The following SLC26A7 variants were observed in gnomAD, a reference collection of about 807,000 sequenced individuals.
SLC26A7 encodes anion exchange transporter.
A neutral mutation model predicts 82.5 loss-of-function variants in SLC26A7; 59 were observed. The observed-to-expected ratio is 0.72, with a 90% confidence interval of 0.58 to 0.89. The LOEUF (loss-of-function observed/expected upper bound fraction) is 0.89. SLC26A7 is among the 40% of genes least tolerant of loss of function. SLC26A7 has a pLI of 0.00. For missense variants in SLC26A7, 820 were observed against 793.0 expected, an observed-to-expected ratio of 1.03 and a Z score of -0.41; for synonymous variants, 271 against 274.3, an observed-to-expected ratio of 0.99 and a Z score of 0.12.
intron 15 of SLC26A7, among the ~76,000 whole-genome samples, chr8:91,380,917 A>C (rs956918779): frequency 3.3e-5 from 5 of 152,178 alleles, no homozygotes; most frequent in Non-Finnish European, 2.9e-5. Context: ...GGTATGTATA[A>C]ATTGTGACAT....
chr8:91,384,928 A>G (rs1256438530), intron 15 of SLC26A7, among the ~76,000 whole-genome samples: 1 of 152,228 alleles, frequency 6.6e-6, no homozygotes, highest in Non-Finnish European at 1.5e-5. Context: ...TAGTTAATTG[A>G]TATCAACAGA....
At chr8:91,229,250 A>G (rs1810281344) in intron 2 of SLC26A7, among the ~76,000 whole-genome samples, 2 of 152,138 alleles carry the variant, frequency 1.3e-5, no homozygotes, top group African/African-American at 4.8e-5. Flanking sequence ...GCCAACCCCA[A>G]CATGCACAAA....
intron 2 of SLC26A7, among the ~76,000 whole-genome samples, chr8:91,241,966 C>T (rs1586314974): frequency 6.6e-6 from 1 of 152,090 alleles, no homozygotes. Flanking sequence ...TTGAAATTTT[C>T]CCCTACATGT....
intron 4 of SLC26A7, among the ~76,000 whole-genome samples, chr8:91,297,965 G>A (rs1812059875): frequency 6.6e-6 from 1 of 152,118 alleles, no homozygotes; most frequent in Admixed American, 6.5e-5. Flanking sequence ...AAACAATCAT[G>A]TCTGATCTGA....
At chr8:91,242,314 A>T (rs1810485882) in intron 2 of SLC26A7, among the ~76,000 whole-genome samples, 1 of 152,170 alleles carries the variant, frequency 6.6e-6, no homozygotes, top group Non-Finnish European at 1.5e-5. Context: ...ATTCCATTTG[A>T]TTGTTCTCAA....
chr8:91,221,829 G>T (rs1317264628), intron 2 of SLC26A7, among the ~76,000 whole-genome samples: 1 of 152,074 alleles, frequency 6.6e-6, no homozygotes. Flanking sequence ...TGTTCTTTTT[G>T]CTTAGGATTG....
chr8:91,299,628 T>C (rs1452333122), intron 4 of SLC26A7, among the ~76,000 whole-genome samples: 1 of 152,192 alleles, frequency 6.6e-6, no homozygotes, highest in African/African-American at 2.4e-5. Context: ...GGACTTTCTT[T>C]GCTATTCTAC....
At chr8:91,277,625 C>T (rs1180344911) in intron 2 of SLC26A7, among the ~76,000 whole-genome samples, 1 of 152,032 alleles carries the variant, frequency 6.6e-6, no homozygotes, top group African/African-American at 2.4e-5. Context: ...GGCCCTATAA[C>T]CAGAACATTA....
intron 2 of SLC26A7, among the ~76,000 whole-genome samples, chr8:91,274,713 G>T (rs1398342293): frequency 6.6e-6 from 1 of 152,174 alleles, no homozygotes; most frequent in Non-Finnish European, 1.5e-5. Context: ...GTTGTTAATT[G>T]ATATATCTCC....
intron 2 of SLC26A7, among the ~76,000 whole-genome samples, chr8:91,241,871 T>G (rs1810478472): frequency 6.6e-6 from 1 of 152,188 alleles, no homozygotes; most frequent in African/African-American, 2.4e-5. Flanking sequence ...TAATTAGGAA[T>G]GATCTTTTGG....
At chr8:91,374,012 T>C (rs1048797530) in intron 15 of SLC26A7, among the ~76,000 whole-genome samples, 1 of 152,060 alleles carries the variant, frequency 6.6e-6, no homozygotes, top group Admixed American at 6.6e-5. Flanking sequence ...TTTGTGTGCA[T>C]GGAGATGGTC....
At chr8:91,394,802 T>G in intron 18 of SLC26A7, 1 of 925,352 alleles carries the variant, frequency 1.1e-6, no homozygotes, top group Non-Finnish European at 1.5e-6. Context: ...GAGGTAGATA[T>G]GATAATTTAA....
At chr8:91,278,165 G>T (rs1811456406) in intron 2 of SLC26A7, among the ~76,000 whole-genome samples, 2 of 152,000 alleles carry the variant, frequency 1.3e-5, no homozygotes, top group Non-Finnish European at 2.9e-5. Flanking sequence ...CTCTGAGTTG[G>T]CATGTATGAG....
intron 10 of SLC26A7, among the ~76,000 whole-genome samples, 181 bp downstream of exon 10, chr8:91,352,068 G>A (rs1217901053): frequency 1.3e-5 from 2 of 151,958 alleles, no homozygotes. Context: ...GTGGGAGGGG[G>A]TACCGTGGCT....
At chr8:91,296,207 C>T (rs1812012253) in intron 4 of SLC26A7, among the ~76,000 whole-genome samples, 1 of 152,128 alleles carries the variant, frequency 6.6e-6, no homozygotes, top group African/African-American at 2.4e-5. Context: ...AGATCTGTAC[C>T]ACCAGCATCA....
intron 2 of SLC26A7, among the ~76,000 whole-genome samples, chr8:91,257,559 TCATAG>T (rs1237031986): frequency 2.6e-5 from 4 of 152,020 alleles, no homozygotes; most frequent in African/African-American, 7.2e-5. Context: ...TGACTCCTAT[TCATAG>T]CCATGAGCCT....
In SLC26A7 at chr8:91,237,767, G is replaced by A. The variant is rs532633624; in HGVS notation, c.-33-11852G>A. ...TCATTCACTCTTCAACTGCAATCTGGTTTCTGCACCCAACATTGTAATAAA... is the reference window on the plus strand; with the variant it reads ...TCATTCACTCTTCAACTGCAATCTGATTTCTGCACCCAACATTGTAATAAA... On this transcript the variant is annotated intron_variant, in intron 2 of 5. Coordinates refer to the SLC26A7 transcript ENST00000522862. Among the ~76,000 whole-genome samples, 9 of 152,206 alleles carry A rather than the reference G, an allele frequency of 5.9e-5. No homozygotes were observed. The South Asian group carries it at 1.2e-3, about 21-fold the overall frequency.
intron 2 of SLC26A7, among the ~76,000 whole-genome samples, chr8:91,264,474 A>G (rs1014060721): frequency 2.0e-5 from 3 of 152,012 alleles, no homozygotes; most frequent in African/African-American, 7.2e-5. Context: ...CTAGGGAAAA[A>G]GAATAAACCT....
intron 5 of SLC26A7, among the ~76,000 whole-genome samples, chr8:91,327,767 C>T (rs1293721001): frequency 1.3e-5 from 2 of 152,094 alleles, no homozygotes; most frequent in African/African-American, 2.4e-5. Context: ...TCTAGTCAAA[C>T]ACTAACTTAT....
Sources: gnomAD v4.1 joint callset for allele counts (sites outside exome capture counted in the v4.1 genomes callset) on GRCh38, gnomAD v4.1.1 for gene constraint, MANE v1.5 for transcripts, NCBI Gene and HGNC (gene_info 2026-07-23, HGNC 2026-07-21) for gene names.